CPSF4L: variants seen among roughly 807,000 people sequenced by gnomAD.
CPSF4L encodes the protein cleavage and polyadenylation specific factor 4 like, also known as putative cleavage and polyadenylation specificity factor subunit 4-like protein.
In CPSF4L, 18 loss-of-function variants were observed where a neutral mutation model predicts 24.0. The ratio of observed to expected loss-of-function variants is 0.75; its 90% CI spans 0.52 to 1.11. The LOEUF (loss-of-function observed/expected upper bound fraction) is 1.11. Ranked by LOEUF, CPSF4L falls within the 50% of genes least tolerant of loss-of-function variation. The pLI, the probability that CPSF4L is intolerant of heterozygous loss-of-function variation, is 0.00. For synonymous variants in CPSF4L, 72 were observed against 77.2 expected (o/e 0.93, Z 0.35); for missense variants, 211 against 221.8 (o/e 0.95, Z 0.31).
At chr17:73,263,764 T>C (rs1013034133), upstream of CPSF4L, among the ~76,000 whole-genome samples, 21 of 147,678 alleles carry the variant, frequency 1.4e-4, no homozygotes, top group African/African-American at 5.2e-4. Flanking sequence ...GGGGGAAGAC[T>C]GGACAGGGGC....
intron 5 of CPSF4L, chr17:73,251,108 C>T: frequency 6.5e-7 from 1 of 1,540,388 alleles, no homozygotes; most frequent in African/African-American, 1.4e-5. Flanking sequence ...CAAGCTACAG[C>T]TGAAGTGCAG....
chr17:73,261,006 A>T, intron 1 of CPSF4L, 23 bp from the exon 2 acceptor site: 2 of 1,546,300 alleles, frequency 1.3e-6, no homozygotes, highest in South Asian at 2.4e-5. Flanking sequence ...GAGGGAACGG[A>T]GAAGGTAGCT....
intron 3 of CPSF4L, among the ~76,000 whole-genome samples, chr17:73,254,803 A>G (rs1379257717): frequency 6.6e-6 from 1 of 152,086 alleles, no homozygotes. Context: ...GCCACCACGC[A>G]TGGCTAATTT....
At chr17:73,252,551 G>A (rs896139448) in intron 5 of CPSF4L, 79 bp downstream of exon 5, 4 of 860,238 alleles carry the variant, frequency 4.6e-6, no homozygotes, top group East Asian at 2.6e-5. Flanking sequence ...AAGGACCAGC[G>A]AAGGTATGGA....
downstream of CPSF4L, among the ~76,000 whole-genome samples, chr17:73,246,098 G>C (rs917456253): frequency 2.6e-5 from 4 of 152,100 alleles, no homozygotes; most frequent in African/African-American, 9.7e-5. Flanking sequence ...AACGTTGATG[G>C]ATAAGTGTTT....
At chr17:73,248,135 G>C, downstream of CPSF4L, 1 of 244,076 alleles carries the variant, frequency 4.1e-6, no homozygotes, top group South Asian at 6.6e-5. Flanking sequence ...GCCTCGTGAG[G>C]ATACATTTTT....
Position 73,258,247 on chromosome 17 carries a change from T to C in CPSF4L, c.155-414A>G, listed in dbSNP as rs369990825. 8.5e-4 allele frequency among the ~76,000 whole-genome samples: 130 copies of C among 152,172 alleles called. 2 individuals are homozygous for C. The highest frequency in any genetic ancestry group is 3.0e-3 in the African/African-American group (124 of 41,526). ...GGATGGTCTCGATCTCCTGACCTTG[T>C]GATCTGCCCACCTCGGCCTCCCAAA... On this transcript the variant is annotated intron_variant, in intron 2 of 5. Transcript: ENST00000344935.
intron 5 of CPSF4L, among the ~76,000 whole-genome samples, chr17:73,249,594 C>G (rs1028392557): frequency 2.0e-5 from 3 of 152,164 alleles, no homozygotes; most frequent in African/African-American, 7.2e-5. Flanking sequence ...TTCTTCCTCA[C>G]ACATCCCATT....
chr17:73,250,927 G>C, intron 5 of CPSF4L: 18 of 1,413,360 alleles, frequency 1.3e-5, no homozygotes, highest in Non-Finnish European at 1.7e-5. Flanking sequence ...TGCCCTCCCA[G>C]CTCTCAGCCA....
intron 3 of CPSF4L, among the ~76,000 whole-genome samples, chr17:73,256,244 G>T (rs891114825): frequency 5.3e-5 from 8 of 152,332 alleles, no homozygotes; most frequent in African/African-American, 1.9e-4. Context: ...AGAATGCTAG[G>T]CAGTGACCAA....
intron 5 of CPSF4L, 108 bp downstream of exon 5, chr17:73,252,522 A>C (rs1434947025): frequency 1.4e-6 from 1 of 737,456 alleles, no homozygotes; most frequent in African/African-American, 1.8e-5. Context: ...GATGCTTGCC[A>C]GATGCTTCAT....
rs2062042807 is a variant in CPSF4L, at chr17:73,260,987, GA to G, written c.104-5del. The stretch of plus-strand genomic sequence containing the variant: ...TTGCACACAGCTGAGGCCGACTCTG[GA>G]AGGAGAAGAGGGAACGGAGAAGGTA... On this transcript the variant is annotated splice_polypyrimidine_tract_variant and splice_region_variant and intron_variant, in intron 1 of 5. Coordinates refer to ENST00000344935, the MANE Select transcript of CPSF4L (RefSeq NM_001129885.1). 6.5e-7 allele frequency: 1 copy of G among 1,549,732 alleles called. No individual in the cohort carries two copies. Among genetic ancestry groups the G allele is most frequent in the African/African-American group, 1.4e-5 (1 of 72,984 alleles).
intron 5 of CPSF4L, chr17:73,248,854 A>G (rs1183657457): frequency 1.3e-5 from 4 of 301,484 alleles, no homozygotes; most frequent in Non-Finnish European, 2.5e-5. Context: ...TTTAGCTGTT[A>G]AAAATAAAAT....
chr17:73,244,268 A>G (rs955764145), downstream of CPSF4L, among the ~76,000 whole-genome samples: 1 of 152,058 alleles, frequency 6.6e-6, no homozygotes, highest in Admixed American at 6.5e-5. Context: ...ACAATCAAAA[A>G]CCAGTATTTT....
chr17:73,245,257 C>T (rs1357600099), downstream of CPSF4L: 6 of 1,582,064 alleles, frequency 3.8e-6, no homozygotes, highest in African/African-American at 1.4e-5. Flanking sequence ...GACTGCAATA[C>T]ATACTTAACA....
rs2062029085 is a variant in CPSF4L, at chr17:73,257,752, C to T, written c.236G>A (p.Gly79Asp). 1.3e-6 allele frequency: 2 copies of T among 1,551,554 alleles called. No homozygotes were observed. Among genetic ancestry groups the T allele is most frequent in the Non-Finnish European group, 1.7e-6 (2 of 1,146,994 alleles). Reference protein sequence around the residue: ...KHWLRGLCKKGDHCKFLHQYD... With the variant: ...KHWLRGLCKKDDHCKFLHQYD... ...CTGGTGCAGGAACTTGCAGTGATCA[C>T]CCTTCTTGCAGAGCCCCCGGAGCCA... The change falls in exon 3 of 6, where the codon GGT (glycine) becomes GAT (aspartate). Residue 79 changes from glycine to aspartate, a missense_variant. Transcript: ENST00000344935.
rs532172546 is a variant in CPSF4L, at chr17:73,257,823, G to T, written c.165C>A (p.Cys55Ter). The T allele has an allele frequency of 2.8e-5, 44 of 1,551,400 alleles. No homozygotes were observed. The highest frequency in any genetic ancestry group is 3.9e-5 in the Admixed American group (2 of 50,986). ...TKGLCEKGKL[C>*]PFRHDRGEKM... ...TCTCCCCTCGGTCATGTCGGAAGGG[G>T]CAGAGTTTCCCTGGAGATGCCAGAG... The change falls in exon 3 of 6, where the codon TGC (cysteine) becomes TGA (stop). Residue 55 changes from cysteine to a stop codon, truncating the protein, a stop_gained. Coordinates refer to ENST00000344935, the MANE Select transcript of CPSF4L (RefSeq NM_001129885.1). LOFTEE classifies it high-confidence loss of function.
At chr17:73,260,092 G>T (rs534689867) in intron 2 of CPSF4L, among the ~76,000 whole-genome samples, 1 of 152,192 alleles carries the variant, frequency 6.6e-6, no homozygotes, top group Non-Finnish European at 1.5e-5. Flanking sequence ...CAGGAGAGAA[G>T]TGGAGGATGC....
chr17:73,259,317 G>C (rs1316085800), intron 2 of CPSF4L, among the ~76,000 whole-genome samples: 2 of 151,314 alleles, frequency 1.3e-5, no homozygotes, highest in Non-Finnish European at 2.9e-5. Context: ...ACATAATTTG[G>C]GGGCTAGGGG....
Sources: allele counts gnomAD v4.1 joint callset (sites outside exome capture counted in the v4.1 genomes callset), GRCh38; gene constraint gnomAD v4.1.1; transcripts MANE v1.5; gene names NCBI Gene and HGNC (gene_info 2026-07-23, HGNC 2026-07-21).